GRID2: variants seen among roughly 807,000 people sequenced by gnomAD.
GRID2 encodes the protein glutamate receptor ionotropic, delta-2.
In GRID2, 33 loss-of-function variants were observed where a neutral mutation model predicts 114.8. The observed-to-expected ratio is 0.29, with a 90% CI of 0.22 to 0.38. GRID2 has a LOEUF of 0.38. Among genes scored for constraint, GRID2 ranks in the 10% least tolerant of loss-of-function variants. The pLI is 1.00. For synonymous variants in GRID2, 505 were observed against 449.9 expected (o/e 1.12, Z -1.55); for missense variants, 1,184 against 1,257.7 (o/e 0.94, Z 0.89).
intron 11 of GRID2, among the ~76,000 whole-genome samples, chr4:93,470,392 C>G (rs1211974212): frequency 1.3e-5 from 2 of 152,078 alleles, no homozygotes; most frequent in African/African-American, 2.4e-5. Flanking sequence ...TTGCAGAGGT[C>G]AAACTTGTAA....
intron 2 of GRID2, among the ~76,000 whole-genome samples, chr4:92,799,362 G>A (rs1179297829): frequency 6.6e-6 from 1 of 151,950 alleles, no homozygotes; most frequent in Non-Finnish European, 1.5e-5. Flanking sequence ...TCCTGCTGTG[G>A]GGCCCTGTTC....
At chr4:92,399,407 C>T (rs1181945871) in intron 1 of GRID2, among the ~76,000 whole-genome samples, 1 of 152,148 alleles carries the variant, frequency 6.6e-6, no homozygotes, top group African/African-American at 2.4e-5. Flanking sequence ...TTGAGCTTTA[C>T]CCTGTGAAAC....
chr4:92,940,941 T>G (rs934032410), intron 2 of GRID2, among the ~76,000 whole-genome samples: 7 of 152,154 alleles, frequency 4.6e-5, no homozygotes, highest in African/African-American at 1.7e-4. Context: ...GTGGATAAGA[T>G]TTTTGATGTG....
chr4:92,525,205 C>A (rs1724985996), intron 1 of GRID2, among the ~76,000 whole-genome samples: 1 of 149,948 alleles, frequency 6.7e-6, no homozygotes. Context: ...GTAAAAGAAC[C>A]AAAAGAGAAT....
At chr4:93,520,568 G>T (rs528414559) in intron 13 of GRID2, among the ~76,000 whole-genome samples, 1 of 152,246 alleles carries the variant, frequency 6.6e-6, no homozygotes, top group African/African-American at 2.4e-5. Flanking sequence ...ATGTCAAGAA[G>T]ATCAGTGAGG....
intron 14 of GRID2, among the ~76,000 whole-genome samples, chr4:93,719,905 C>T (rs2110191104): frequency 6.6e-6 from 1 of 152,204 alleles, no homozygotes; most frequent in East Asian, 1.9e-4. Flanking sequence ...GCTGCTTTTT[C>T]CCTCCTCCAT....
At chr4:92,554,282 A>T (rs1229086438) in intron 1 of GRID2, among the ~76,000 whole-genome samples, 2 of 152,200 alleles carry the variant, frequency 1.3e-5, no homozygotes, top group African/African-American at 4.8e-5. Flanking sequence ...GTCTATAAGA[A>T]AGAAACAGAG....
chr4:93,073,585 T>C (rs1729001505), intron 2 of GRID2, among the ~76,000 whole-genome samples: 1 of 152,164 alleles, frequency 6.6e-6, no homozygotes, highest in African/African-American at 2.4e-5. Context: ...TCTGCATTGT[T>C]CAAGGGTTGA....
intron 13 of GRID2, among the ~76,000 whole-genome samples, chr4:93,603,215 AAAAAGAAAAG>A (rs551268251): frequency 1.2e-4 from 19 of 152,274 alleles, no homozygotes; most frequent in East Asian, 5.8e-4. Flanking sequence ...CATCTCAAAA[AAAAAGAAAAG>A]AAAAGAAAAG....
At chr4:93,600,535 CA>C (rs983681471) in intron 13 of GRID2, among the ~76,000 whole-genome samples, 1 of 151,312 alleles carries the variant, frequency 6.6e-6, no homozygotes, top group Non-Finnish European at 1.5e-5. Flanking sequence ...TCACATCCAC[CA>C]TAATAGCTAG....
At chr4:92,569,436 C>T (rs529048763) in intron 1 of GRID2, among the ~76,000 whole-genome samples, 19 of 152,074 alleles carry the variant, frequency 1.2e-4, no homozygotes, top group African/African-American at 4.6e-4. Flanking sequence ...TAAACATTCA[C>T]GTGCATGTAT....
rs189438066 is a variant in GRID2 at position 92,963,511 on chromosome 4, T to A, written c.245-121484T>A. On this transcript the variant is annotated intron_variant, in intron 2 of 15. Coordinates refer to ENST00000282020, the MANE Select transcript of GRID2 (RefSeq NM_001510.4). ...AAGCAACTCCTCATTATTTTCATTCTCATTTTATTGTCAGATTGTAGCAAT... is the reference window on the plus strand; with the variant it reads ...AAGCAACTCCTCATTATTTTCATTCACATTTTATTGTCAGATTGTAGCAAT... Among the ~76,000 whole-genome samples the A allele has an allele frequency of 9.1e-4, 139 of 152,120 alleles. 1 individual carries two copies. In the East Asian group the frequency reaches 0.019, roughly 21 times the overall value.
intron 11 of GRID2, among the ~76,000 whole-genome samples, chr4:93,485,288 G>A (rs781537571): frequency 6.6e-6 from 1 of 151,510 alleles, no homozygotes; most frequent in Non-Finnish European, 1.5e-5. Context: ...AATATTTATT[G>A]ATGATTTTTT....
chr4:92,921,080 T>C (rs1749283918), intron 2 of GRID2, among the ~76,000 whole-genome samples: 1 of 152,148 alleles, frequency 6.6e-6, no homozygotes, highest in Non-Finnish European at 1.5e-5. Flanking sequence ...ACTTCTCTTT[T>C]AGCTTCATTT....
chr4:93,708,203 TG>T (rs1451057300), intron 14 of GRID2, among the ~76,000 whole-genome samples: 2 of 152,066 alleles, frequency 1.3e-5, no homozygotes, highest in Admixed American at 6.6e-5. Flanking sequence ...TATGTCCATT[TG>T]GTCATAGTGC....
At chr4:92,546,793 AT>A (rs1347912148) in intron 1 of GRID2, among the ~76,000 whole-genome samples, 7 of 152,198 alleles carry the variant, frequency 4.6e-5, no homozygotes, top group African/African-American at 1.7e-4. Flanking sequence ...AAAGGAAAAA[AT>A]AATCAGTAGT....
At chr4:93,769,183 A>G in intron 14 of GRID2, 27 bp from the exon 15 acceptor site, 1 of 1,611,662 alleles carries the variant, frequency 6.2e-7, no homozygotes, top group Non-Finnish European at 8.5e-7. Context: ...GTCTGTAATA[A>G]CACATGCTTA....
chr4:93,212,157 C>G (rs1743593441), intron 5 of GRID2, among the ~76,000 whole-genome samples: 1 of 151,936 alleles, frequency 6.6e-6, no homozygotes, highest in African/African-American at 2.4e-5. Context: ...CCCGTTTTGG[C>G]TGAACGTGGA....
At chr4:93,069,363 T>C (rs1728608569) in intron 2 of GRID2, among the ~76,000 whole-genome samples, 1 of 151,924 alleles carries the variant, frequency 6.6e-6, no homozygotes, top group African/African-American at 2.4e-5. Flanking sequence ...AGCATTTCTC[T>C]GAAAAATCCA....
Sources: gnomAD v4.1 joint callset for allele counts (sites outside exome capture counted in the v4.1 genomes callset) on GRCh38, gnomAD v4.1.1 for gene constraint, MANE v1.5 for transcripts, NCBI Gene and HGNC (gene_info 2026-07-23, HGNC 2026-07-21) for gene names.